Variants in KALRN observed in about 807,000 individuals in gnomAD.
KALRN encodes the protein kalirin RhoGEF kinase.
A neutral mutation model predicts 353.7 loss-of-function variants in KALRN; 70 were observed. That is an observed-to-expected ratio of 0.20 (90% CI 0.16 to 0.24). KALRN has a LOEUF of 0.24. Ranked by LOEUF, KALRN falls within the 10% of genes least tolerant of loss-of-function variation. The probability of loss-of-function intolerance (pLI) is 1.00; values close to 1 mark genes in which losing one functional copy is unlikely to be tolerated. For synonymous variants in KALRN, 1,391 were observed against 1,434.8 expected (o/e 0.97, Z 0.69); for missense variants, 2,791 against 3,756.7 (o/e 0.74, Z 6.72).
At chr3:124,305,302 C>T (rs58249654) in intron 6 of KALRN, among the ~76,000 whole-genome samples, 9,533 of 152,114 alleles carry the variant, frequency 0.063, 939 homozygotes, top group East Asian at 0.47. Flanking sequence ...GATCCATTGG[C>T]GACATAGGCA....
chr3:124,395,892 G>T (rs2090100230), intron 12 of KALRN, among the ~76,000 whole-genome samples: 1 of 152,144 alleles, frequency 6.6e-6, no homozygotes, highest in African/African-American at 2.4e-5. Context: ...AACTCCTTCT[G>T]CATCAACCTA....
chr3:124,216,724 T>C lies in KALRN; in HGVS notation c.74-11266T>C, dbSNP rs1461204457. On this transcript the variant is annotated intron_variant, in intron 1 of 59. Coordinates refer to ENST00000682506, the MANE Select transcript of KALRN (RefSeq NM_001388419.1). ...TTAGCACTTAACATTGTTATGCTTC[T>C]TTCTAAAGAAATAGCAGACATTATG... Among the ~76,000 whole-genome samples the C allele has an allele frequency of 2.6e-5, 4 of 152,254 alleles. No individual in the cohort carries two copies. The South Asian group carries it at 6.2e-4, about 24-fold the overall frequency.
chr3:124,705,155 T>C (rs929869684), intron 57 of KALRN, among the ~76,000 whole-genome samples: 2 of 152,188 alleles, frequency 1.3e-5, no homozygotes, highest in East Asian at 3.9e-4. Context: ...TGCTGACCCA[T>C]TGCCTATACC....
At chr3:124,222,156 G>A (rs1156689819) in intron 1 of KALRN, among the ~76,000 whole-genome samples, 2 of 152,178 alleles carry the variant, frequency 1.3e-5, no homozygotes, top group Non-Finnish European at 2.9e-5. Flanking sequence ...GGGTAGGAAG[G>A]AAGATTTGTG....
chr3:124,334,441 G>A lies in KALRN; in HGVS notation c.1593G>A (p.Lys531=). ...RRLESIWQHR[K]VRLHQRLQLC... is the part of the protein sequence containing the mutation. ...TGGAGAGCATCTGGCAGCACCGCAAGGTGCGGCTCCACCAGCGGCTGCAGC... is the reference window on the plus strand; with the variant it reads ...TGGAGAGCATCTGGCAGCACCGCAAAGTGCGGCTCCACCAGCGGCTGCAGC... The change falls in exon 9 of 60, where the codon AAG becomes AAA. Residue 531 remains lysine, a synonymous_variant. Coordinates refer to ENST00000682506, the MANE Select transcript of KALRN (RefSeq NM_001388419.1). The surrounding 1 kb of genome is among the most constrained non-coding windows in gnomAD (Gnocchi z 4.2). 6.2e-7 allele frequency: 1 copy of A among 1,614,114 alleles called. No homozygotes were observed. The highest frequency in any genetic ancestry group is 8.5e-7 in the Non-Finnish European group (1 of 1,179,974).
chr3:124,317,122 A>C (rs1484105117), intron 6 of KALRN, among the ~76,000 whole-genome samples: 1 of 152,220 alleles, frequency 6.6e-6, no homozygotes, highest in African/African-American at 2.4e-5. Flanking sequence ...CCAATGGGAA[A>C]GCTTCAGAGA....
In KALRN at chr3:124,422,923, A is replaced by G; in HGVS notation, c.2654A>G (p.His885Arg). The G allele has an allele frequency of 1.9e-6, 3 of 1,613,874 alleles. No homozygotes were observed. The highest frequency in any genetic ancestry group is 2.5e-6 in the Non-Finnish European group (3 of 1,179,798). ...TTGGAGCTCAATGCAGAGCAGACTC[A>G]TAAGCGGCTAGAGCAGTGCCTCCAA... ...HELELNAEQT[H>R]KRLEQCLQLR... Residue 885 changes from histidine (H) to arginine (R), a missense_variant, in exon 15 of 60, where the codon CAT becomes CGT. By Grantham distance (29) the His-to-Arg change is conservative. Around this residue, in one of 11 missense-constraint regions of KALRN, gnomAD observed 452 missense variants for 575.8 expected, o/e 0.78. Coordinates refer to ENST00000682506, the MANE Select transcript of KALRN (RefSeq NM_001388419.1).
At chr3:124,586,168 C>T (rs1354759009) in intron 34 of KALRN, among the ~76,000 whole-genome samples, 2 of 152,088 alleles carry the variant, frequency 1.3e-5, no homozygotes, top group African/African-American at 2.4e-5. Flanking sequence ...ATGTGAGGGG[C>T]CAGGGACCCT....
At chr3:124,105,521 T>C (rs1434801899) in intron 1 of KALRN, among the ~76,000 whole-genome samples, 1 of 152,148 alleles carries the variant, frequency 6.6e-6, no homozygotes, top group African/African-American at 2.4e-5. Context: ...ATAAGAGAGA[T>C]ACGAAGAGTA....
chr3:124,517,356 G>A (rs952466839), intron 33 of KALRN, among the ~76,000 whole-genome samples: 1 of 152,180 alleles, frequency 6.6e-6, no homozygotes, highest in Admixed American at 6.5e-5. Context: ...CCCAGCTGGA[G>A]TTCTTACTAA....
intron 16 of KALRN, among the ~76,000 whole-genome samples, chr3:124,433,315 A>T (rs1311932182): frequency 2.6e-5 from 4 of 151,972 alleles, no homozygotes; most frequent in Non-Finnish European, 5.9e-5. Context: ...TTCTGGTCAG[A>T]TGTGGTGGTT....
chr3:124,094,081 T>C (rs2061282581), intron 1 of KALRN: 1 of 152,486 alleles, frequency 6.6e-6, no homozygotes, highest in Non-Finnish European at 1.5e-5. Flanking sequence ...GGCTCACAAA[T>C]ACTGTTCTCT....
intron 34 of KALRN, among the ~76,000 whole-genome samples, chr3:124,610,459 T>G (rs35900636): frequency 0.077 from 11,648 of 152,096 alleles, 580 homozygotes; most frequent in East Asian, 0.13. Flanking sequence ...TAGAGGGCTC[T>G]GGGGGGACAA....
chr3:124,374,536 G>A, intron 10 of KALRN: 1 of 152,258 alleles, frequency 6.6e-6, no homozygotes, highest in East Asian at 1.9e-4. Context: ...AGAAGCAGAA[G>A]TGTGGCCAAA....
At chr3:124,325,356 T>G (rs1255683288) in intron 6 of KALRN, among the ~76,000 whole-genome samples, 1 of 152,024 alleles carries the variant, frequency 6.6e-6, no homozygotes, top group African/African-American at 2.4e-5. Context: ...CATGGAAAAG[T>G]GTGTGGGTTC....
At chr3:124,400,909 G>C (rs1251420313) in intron 13 of KALRN, among the ~76,000 whole-genome samples, 3 of 152,092 alleles carry the variant, frequency 2.0e-5, no homozygotes, top group Non-Finnish European at 4.4e-5. Flanking sequence ...TAAGGGGGAG[G>C]AAACAATCTG....
intron 19 of KALRN, among the ~76,000 whole-genome samples, chr3:124,445,039 T>C (rs2093791659): frequency 6.6e-6 from 1 of 152,118 alleles, no homozygotes; most frequent in Non-Finnish European, 1.5e-5. Context: ...GTCTTAGTAA[T>C]ATGGGAGACC....
chr3:124,552,079 C>T (rs918822569), intron 33 of KALRN, among the ~76,000 whole-genome samples: 2 of 152,138 alleles, frequency 1.3e-5, no homozygotes, highest in Non-Finnish European at 2.9e-5. Flanking sequence ...AGTTTATAAA[C>T]TATAAAGGGC....
intron 1 of KALRN, among the ~76,000 whole-genome samples, chr3:124,169,867 T>C (rs1358158696): frequency 6.6e-6 from 1 of 151,956 alleles, no homozygotes; most frequent in African/African-American, 2.4e-5. Flanking sequence ...CTATGGAAAT[T>C]AGGGTAACAG....
Sources: gnomAD v4.1 joint callset for allele counts (sites outside exome capture counted in the v4.1 genomes callset) on GRCh38, gnomAD v4.1.1 for gene constraint, gnomAD v4.1.1 regional missense constraint, Gnocchi (gnomAD v3.1) non-coding constraint, MANE v1.5 for transcripts, NCBI Gene and HGNC (gene_info 2026-07-23, HGNC 2026-07-21) for gene names.